The following NYX variants were observed in gnomAD, a reference collection of about 807,000 sequenced individuals.
NYX encodes the protein nyctalopin, also known as leucine-rich repeat protein.
For missense variants in NYX, 481 were observed against 485.4 expected (o/e 0.99, Z 0.09); for synonymous variants, 258 against 245.7 (o/e 1.05, Z -0.47).
chrX:41,465,954 C>T (rs902476044), intron 2 of NYX, among the ~76,000 whole-genome samples: 1 of 111,193 alleles, frequency 9.0e-6, no homozygotes, highest in Admixed American at 9.7e-5. Flanking sequence ...CCCTTCAGAA[C>T]TCAGCCAAGG....
At chrX:41,458,194 T>C (rs2064305815) in intron 2 of NYX, among the ~76,000 whole-genome samples, 1 of 111,727 alleles carries the variant, frequency 9.0e-6, no homozygotes, top group Non-Finnish European at 1.9e-5. Context: ...ACTACTGCAG[T>C]GGGGTTTAAG....
rs927806332 is a variant in NYX at position 41,475,297 on chromosome X, G to A, written c.*398G>A. 1 of 184,249 alleles carries A rather than the reference G, an allele frequency of 5.4e-6. No individual in the cohort carries two copies. The highest frequency in any genetic ancestry group is 3.0e-5 in the African/African-American group (1 of 33,128). 15.2% of individuals were successfully genotyped at this position (184,249 alleles called of 1,213,427 possible). ...GTTAAGAGCCGTCCCATTTCTCCTG[G>A]CGGGGTAACCCATTACACCGAAGTC... On this transcript the variant is annotated 3_prime_UTR_variant, in exon 3 of 3. Coordinates refer to ENST00000378220, the MANE Select transcript of NYX (RefSeq NM_001378477.3).
chrX:41,466,196 G>A (rs946584905), intron 2 of NYX, among the ~76,000 whole-genome samples: 1 of 111,452 alleles, frequency 9.0e-6, no homozygotes, highest in Non-Finnish European at 1.9e-5. Context: ...TTGGGAGGCC[G>A]AGGCAGGAGG....
intron 2 of NYX, among the ~76,000 whole-genome samples, chrX:41,448,557 C>T (rs1232214401): frequency 2.1e-5 from 2 of 96,260 alleles, no homozygotes; most frequent in Non-Finnish European, 2.1e-5. Flanking sequence ...CTTTTCTTTT[C>T]TTTTCTTTTT....
intron 2 of NYX, among the ~76,000 whole-genome samples, chrX:41,453,365 A>T (rs1248846081): frequency 1.8e-5 from 2 of 111,859 alleles, no homozygotes; most frequent in Admixed American, 9.6e-5. Context: ...ATTTTCCCAG[A>T]TTCAGGGACG....
At position 41,474,633 on chromosome X, in the gene NYX, C is replaced by T. The variant is rs146300620; in HGVS notation, c.1165C>T (p.Leu389Phe). 768 of 1,197,606 alleles carry T rather than the reference C, an allele frequency of 6.4e-4. 6 individuals are homozygous for T. In the African/African-American group the frequency reaches 0.013, roughly 20 times the overall value. Residue 389 changes from leucine (L) to phenylalanine (F), a missense_variant, in exon 3 of 3, where the codon CTC becomes TTC. Leu to Phe is a conservative substitution (Grantham distance 22). Transcript: ENST00000378220. ...GLCVDPEELN[L>F]TTSSPGPSPE... The stretch of plus-strand genomic sequence containing the variant: ...CTGTGTGGACCCCGAGGAGCTGAAC[C>T]TCACCACGTCCAGTCCAGGCCCGTC...
intron 2 of NYX, among the ~76,000 whole-genome samples, chrX:41,450,628 C>T (rs187787368): frequency 8.5e-4 from 83 of 97,148 alleles, no homozygotes; most frequent in African/African-American, 3.1e-3. Context: ...AGGTGCCACT[C>T]ACACAGCTAG....
intron 2 of NYX, among the ~76,000 whole-genome samples, chrX:41,465,746 C>T (rs761050910): frequency 9.7e-6 from 1 of 103,196 alleles, no homozygotes; most frequent in South Asian, 4.7e-4. Flanking sequence ...TGGTCTCGAA[C>T]TCCTGACCTC....
rs894974127 is a variant in NYX at position 41,474,627 on chromosome X, C to T, written c.1159C>T (p.Leu387=). The change falls in exon 3 of 3, where the codon CTG becomes TTG. Residue 387 remains leucine, a synonymous_variant. Coordinates refer to ENST00000378220, the MANE Select transcript of NYX (RefSeq NM_001378477.3). ...TGGCCTCTGTGTGGACCCCGAGGAG[C>T]TGAACCTCACCACGTCCAGTCCAGG... The part of the protein sequence containing the change: ...SDGLCVDPEE[L]NLTTSSPGPS... 1.7e-6 allele frequency: 2 copies of T among 1,200,184 alleles called. No homozygotes were observed. Among genetic ancestry groups the T allele is most frequent in the Non-Finnish European group, 2.2e-6 (2 of 890,312 alleles).
chrX:41,467,617 G>A (rs1031185453), intron 2 of NYX, among the ~76,000 whole-genome samples: 1 of 110,577 alleles, frequency 9.0e-6, no homozygotes, highest in African/African-American at 3.3e-5. Context: ...GCCTCCCAAA[G>A]TGCTGGAATT....
Position 41,475,423 on chromosome X carries a change from G to C in NYX, c.*524G>C, listed in dbSNP as rs2064387672. The C allele has an allele frequency of 8.2e-6, 1 of 122,334 alleles. No individual in the cohort carries two copies. The highest frequency in any genetic ancestry group is 1.7e-5 in the Non-Finnish European group (1 of 60,064). The allele number at this position is 122,334 out of a possible 1,213,427, so 10.1% of individuals were successfully genotyped here. A position where few individuals can be genotyped will look rare whatever the true frequency, so the allele number is the denominator to read the frequency against. The stretch of plus-strand genomic sequence containing the variant: ...CGTGAGAGAAGGGAGATGGGAGAGA[G>C]ATTTAAGACAAAGGGTGGCGGTGGT... On this transcript the variant is annotated 3_prime_UTR_variant, in exon 3 of 3. Transcript: ENST00000378220.
intron 2 of NYX, among the ~76,000 whole-genome samples, chrX:41,450,876 G>A (rs1365084865): frequency 2.1e-5 from 2 of 94,556 alleles, no homozygotes; most frequent in African/African-American, 8.0e-5. Context: ...AGTAGAGAGG[G>A]GGTTTCGCCA....
Position 41,474,247 on chromosome X carries a change from C to A in NYX, c.779C>A (p.Ala260Glu). The A allele has an allele frequency of 8.3e-7, 1 of 1,202,248 alleles. No individual in the cohort carries two copies. Reference protein sequence around the residue: ...RLRTLNLGGNALDRVARAWFA... With the variant: ...RLRTLNLGGNELDRVARAWFA... ...CGCACGCTCAACCTGGGTGGCAACG[C>A]GCTGGACCGCGTGGCGCGCGCCTGG... The change falls in exon 3 of 3, where the codon GCG becomes GAG. Residue 260 changes from alanine to glutamate, a missense_variant. By Grantham distance (107) the Ala-to-Glu change is moderately radical. Coordinates refer to ENST00000378220, the MANE Select transcript of NYX (RefSeq NM_001378477.3).
intron 2 of NYX, among the ~76,000 whole-genome samples, chrX:41,448,514 T>C (rs995691820): frequency 3.7e-5 from 4 of 109,029 alleles, no homozygotes; most frequent in Non-Finnish European, 5.7e-5. Context: ...AGTGCTGGGA[T>C]TACAGGCGTG....
intron 2 of NYX, among the ~76,000 whole-genome samples, chrX:41,458,110 A>G (rs2064305404): frequency 9.0e-6 from 1 of 111,193 alleles, no homozygotes; most frequent in South Asian, 3.8e-4. Flanking sequence ...TACTTTTGCA[A>G]TAATAACATT....
At chrX:41,471,874 A>C (rs2064362139) in intron 2 of NYX, among the ~76,000 whole-genome samples, 1 of 107,755 alleles carries the variant, frequency 9.3e-6, no homozygotes, top group African/African-American at 3.4e-5. Context: ...GTTCTTTAGC[A>C]AGAGGGGAGC....
intron 2 of NYX, among the ~76,000 whole-genome samples, chrX:41,457,224 T>G (rs1281482521): frequency 9.6e-6 from 1 of 103,654 alleles, no homozygotes; most frequent in African/African-American, 3.6e-5. Flanking sequence ...GAGAATCGCT[T>G]GAACCCGGGA....
chrX:41,463,437 T>C (rs1271022247), intron 2 of NYX, among the ~76,000 whole-genome samples: 40 of 106,275 alleles, frequency 3.8e-4, no homozygotes, highest in Non-Finnish European at 7.0e-4. Context: ...TTTTTTTTTT[T>C]CTGAGACGGA....
intron 2 of NYX, among the ~76,000 whole-genome samples, chrX:41,466,415 C>A (rs2064338160): frequency 9.1e-6 from 1 of 109,482 alleles, no homozygotes; most frequent in African/African-American, 3.3e-5. Flanking sequence ...AGAGAAGAGA[C>A]CCTGTCTAAA....
Sources: gnomAD v4.1 joint callset for allele counts (sites outside exome capture counted in the v4.1 genomes callset) on GRCh38, gnomAD v4.1.1 for gene constraint, MANE v1.5 for transcripts, NCBI Gene and HGNC (gene_info 2026-07-23, HGNC 2026-07-21) for gene names.